Variants in PPP1R1C observed in about 807,000 individuals in gnomAD.
The protein encoded by PPP1R1C is protein phosphatase 1 regulatory inhibitor subunit 1C.
PPP1R1C carries 15 observed loss-of-function variants against 17.4 expected under a neutral mutation model. The observed-to-expected ratio is 0.86, with a 90% CI of 0.58 to 1.33. The LOEUF is 1.33. Among genes scored for constraint, PPP1R1C ranks in the 40% most tolerant of loss-of-function variants. The probability of loss-of-function intolerance (pLI) is 0.00; values close to 1 mark genes in which losing one functional copy is unlikely to be tolerated. For missense variants in PPP1R1C, 143 were observed against 130.0 expected, an observed-to-expected ratio of 1.10 and a Z score of -0.48; for synonymous variants, 35 against 43.1, an observed-to-expected ratio of 0.81 and a Z score of 0.73.
chr2:182,041,260 T>C (rs181814077), intron 2 of PPP1R1C, among the ~76,000 whole-genome samples: 1 of 152,294 alleles, frequency 6.6e-6, no homozygotes, highest in African/African-American at 2.4e-5. Flanking sequence ...TTTTAAAAAA[T>C]GGAATATGTC....
chr2:182,031,716 C>G (rs941914723), intron 2 of PPP1R1C, among the ~76,000 whole-genome samples: 7 of 152,116 alleles, frequency 4.6e-5, no homozygotes, highest in African/African-American at 1.2e-4. Flanking sequence ...ACATTGTTTT[C>G]CCATGATCAA....
downstream of PPP1R1C, among the ~76,000 whole-genome samples, chr2:182,122,323 C>A (rs948463790): frequency 1.6e-4 from 25 of 151,930 alleles, no homozygotes; most frequent in African/African-American, 5.8e-4. Context: ...TTTAGGTTGG[C>A]CAGGAAAAAT....
Position 182,117,095 on chromosome 2 carries a change from A to G in PPP1R1C, c.242-112A>G, listed in dbSNP as rs1689606186. ...ATTGTTAAGATTCTTGGAGAAAAACATATAAACACCAAATGAAAACTTTGC... is the reference window on the plus strand; with the variant it reads ...ATTGTTAAGATTCTTGGAGAAAAACGTATAAACACCAAATGAAAACTTTGC... On this transcript the variant is annotated intron_variant, in intron 4 of 4. Transcript: ENST00000682840. The G allele has an allele frequency of 5.3e-6, 4 of 761,880 alleles. No homozygotes were observed. The East Asian group carries it at 1.1e-4, about 21-fold the overall frequency. The allele number at this position is 761,880 out of a possible 1,614,324, so 47.2% of individuals were successfully genotyped here. A position where few individuals can be genotyped will look rare whatever the true frequency, so the allele number is the denominator to read the frequency against.
chr2:182,084,168 T>A (rs976772079), intron 4 of PPP1R1C, among the ~76,000 whole-genome samples: 5 of 152,072 alleles, frequency 3.3e-5, no homozygotes, highest in African/African-American at 1.2e-4. Flanking sequence ...TTGTTACTAG[T>A]CCTTTGTTGG....
intron 1 of PPP1R1C, among the ~76,000 whole-genome samples, chr2:181,968,411 C>T (rs942540625): frequency 2.0e-5 from 3 of 152,128 alleles, no homozygotes; most frequent in African/African-American, 4.8e-5. Flanking sequence ...TTGTTATATC[C>T]TCTTGCTAAA....
intron 2 of PPP1R1C, among the ~76,000 whole-genome samples, chr2:182,027,795 C>T (rs1254712745): frequency 2.7e-5 from 4 of 149,066 alleles, no homozygotes; most frequent in Admixed American, 6.7e-5. Context: ...GGTACCAGTT[C>T]CTCCTTGTAC....
At chr2:182,033,207 C>G (rs970042899) in intron 2 of PPP1R1C, among the ~76,000 whole-genome samples, 5 of 152,150 alleles carry the variant, frequency 3.3e-5, no homozygotes, top group Non-Finnish European at 5.9e-5. Context: ...TCTTGCTCTG[C>G]TCCTAAGTTT....
At chr2:182,067,216 A>C (rs1011376646) in intron 4 of PPP1R1C, among the ~76,000 whole-genome samples, 7 of 152,010 alleles carry the variant, frequency 4.6e-5, no homozygotes, top group Non-Finnish European at 5.9e-5. Context: ...TCTTGTAAAG[A>C]CTTCAGTATC....
intron 2 of PPP1R1C, among the ~76,000 whole-genome samples, chr2:181,977,754 T>C (rs2125135859): frequency 6.6e-6 from 1 of 152,286 alleles, no homozygotes; most frequent in East Asian, 1.9e-4. Flanking sequence ...TGAAGATGAC[T>C]TGTCTCTGCT....
intron 2 of PPP1R1C, among the ~76,000 whole-genome samples, chr2:182,019,565 G>A (rs1686355831): frequency 1.3e-5 from 2 of 152,108 alleles, no homozygotes; most frequent in South Asian, 2.1e-4. Context: ...AATACTTAGG[G>A]CAGGTTTATT....
chr2:181,961,341 G>T lies in PPP1R1C; in HGVS notation n.111+6707G>T. On this transcript the variant is annotated intron_variant and non_coding_transcript_variant, in intron 1 of 5. Transcript: ENST00000464264. This position sits in a 1 kb window ranked among gnomAD's most constrained non-coding sequence, Gnocchi z 5.8. ...AGTCATCATCATCAAGCAGGCGGTG[G>T]TAGGTGGCGCTCTCAGCCTCCAGCT... 1 of 719,334 alleles carries T rather than the reference G, an allele frequency of 1.4e-6. No individual in the cohort carries two copies. The allele number at this position is 719,334 out of a possible 1,614,324, so 44.6% of individuals were successfully genotyped here. A position where few individuals can be genotyped will look rare whatever the true frequency, so the allele number is the denominator to read the frequency against.
intron 1 of PPP1R1C, among the ~76,000 whole-genome samples, chr2:181,969,812 TCTGA>T (rs1402541590): frequency 3.3e-5 from 5 of 152,246 alleles, no homozygotes; most frequent in East Asian, 1.9e-4. Context: ...TTTTGTCTCC[TCTGA>T]CTATGTGTTT....
At chr2:182,119,939 T>C (rs1250735731), downstream of PPP1R1C, among the ~76,000 whole-genome samples, 1 of 152,236 alleles carries the variant, frequency 6.6e-6, no homozygotes, top group Non-Finnish European at 1.5e-5. Flanking sequence ...TTTTGGCTTT[T>C]GTTGCCATTG....
intron 4 of PPP1R1C, among the ~76,000 whole-genome samples, chr2:182,096,485 TCTTAG>T (rs1185800814): frequency 6.6e-6 from 1 of 152,170 alleles, no homozygotes; most frequent in Non-Finnish European, 1.5e-5. Context: ...AGATCAAATT[TCTTAG>T]CTTAGCTAAT....
At chr2:181,968,404 T>C (rs1684944622) in intron 1 of PPP1R1C, among the ~76,000 whole-genome samples, 1 of 152,254 alleles carries the variant, frequency 6.6e-6, no homozygotes, top group Admixed American at 6.5e-5. Context: ...TTTATAGTTG[T>C]TATATCCTCT....
At chr2:182,090,056 T>A (rs1478547262) in intron 4 of PPP1R1C, among the ~76,000 whole-genome samples, 1 of 152,180 alleles carries the variant, frequency 6.6e-6, no homozygotes, top group Non-Finnish European at 1.5e-5. Context: ...TTTTCAAATA[T>A]AAATATTTAG....
At chr2:181,984,817 A>G (rs1685257469), upstream of PPP1R1C, among the ~76,000 whole-genome samples, 1 of 152,230 alleles carries the variant, frequency 6.6e-6, no homozygotes, top group African/African-American at 2.4e-5. Context: ...TTCATCACAT[A>G]ATGCCTCTCA....
intron 2 of PPP1R1C, among the ~76,000 whole-genome samples, chr2:182,038,302 C>G (rs137861147): frequency 0.019 from 2,833 of 152,162 alleles, 75 homozygotes; most frequent in African/African-American, 0.065. Flanking sequence ...GCCTCCCAAA[C>G]TGCTGAGATT....
intron 2 of PPP1R1C, among the ~76,000 whole-genome samples, chr2:182,052,855 A>G (rs892963254): frequency 2.0e-5 from 3 of 152,268 alleles, no homozygotes; most frequent in South Asian, 2.1e-4. Flanking sequence ...TGACTAAAAT[A>G]GACTGACTTC....
Sources: allele counts gnomAD v4.1 joint callset (sites outside exome capture counted in the v4.1 genomes callset), GRCh38; gene constraint gnomAD v4.1.1; non-coding constraint Gnocchi (gnomAD v3.1); transcripts MANE v1.5; gene names NCBI Gene and HGNC (gene_info 2026-07-23, HGNC 2026-07-21).